Variants in CEP250 observed in about 807,000 individuals in gnomAD.
CEP250 encodes the protein centrosome-associated protein CEP250.
In CEP250, 242 loss-of-function variants were observed where a neutral mutation model predicts 315.7. The observed-to-expected ratio is 0.77, with a 90% CI of 0.69 to 0.85. CEP250 has a LOEUF of 0.85. Ranked by LOEUF, CEP250 falls within the 40% of genes least tolerant of loss-of-function variation. CEP250 has a pLI of 0.00. For missense variants in CEP250, 2,515 were observed against 2,886.4 expected (o/e 0.87, Z 2.95); for synonymous variants, 1,088 against 1,175.0 (o/e 0.93, Z 1.51).
chr20:35,470,645 C>T (rs753562091), intron 10 of CEP250, among the ~76,000 whole-genome samples: 6 of 152,004 alleles, frequency 3.9e-5, no homozygotes, highest in Admixed American at 1.3e-4. Context: ...CCCAGCTGCT[C>T]GGGAGGCTGA....
At position 35,503,333 on chromosome 20, in the gene CEP250, G is replaced by C; in HGVS notation, c.4964G>C (p.Arg1655Thr). 6.2e-7 allele frequency: 1 copy of C among 1,614,168 alleles called. No homozygotes were observed. The highest frequency in any genetic ancestry group is 8.5e-7 in the Non-Finnish European group (1 of 1,180,034). Reference protein sequence around the residue: ...QKEHLTQDLERRDQELMLQKE... With the variant: ...QKEHLTQDLETRDQELMLQKE... ...GAGCATCTGACTCAGGATCTCGAGAGGAGAGACCAGGAGCTGATGCTGCAG... is the reference window on the plus strand; with the variant it reads ...GAGCATCTGACTCAGGATCTCGAGACGAGAGACCAGGAGCTGATGCTGCAG... Residue 1655 changes from arginine to threonine, a missense_variant, in exon 30 of 35, where the codon AGG becomes ACG. Arg to Thr is a moderately conservative substitution (Grantham distance 71). Coordinates refer to ENST00000397527, the MANE Select transcript of CEP250 (RefSeq NM_007186.6). The surrounding 1 kb of genome is among the most constrained non-coding windows in gnomAD (Gnocchi z 4.2).
intron 5 of CEP250, among the ~76,000 whole-genome samples, chr20:35,465,350 G>A (rs1479257393): frequency 6.6e-6 from 1 of 151,660 alleles, no homozygotes; most frequent in African/African-American, 2.4e-5. Context: ...AACCTGGGAG[G>A]CGGTGGTTGC....
rs531437659 is a variant in CEP250 at position 35,504,763 on chromosome 20, T to A, written c.6394T>A (p.Ser2132Thr). ...LEALPHSHKT[S>T]PMEEQSLKLD... ...AGCCTTACCCCACAGCCACAAAACC[T>A]CCCCAATGGAGGAACAATCTCTAAA... The change falls in exon 30 of 35, where the codon TCC (serine) becomes ACC (threonine). Residue 2132 changes from serine (S) to threonine (T), a missense_variant. By Grantham distance (58) the Ser-to-Thr change is moderately conservative (BLOSUM62 1). Coordinates refer to ENST00000397527, the MANE Select transcript of CEP250 (RefSeq NM_007186.6). The A allele has an allele frequency of 1.2e-5, 19 of 1,613,934 alleles. No homozygotes were observed. In the South Asian group the frequency reaches 1.2e-4, roughly 10 times the overall value.
chr20:35,476,378 G>T, intron 15 of CEP250, 71 bp from the exon 16 acceptor site: 3 of 1,426,132 alleles, frequency 2.1e-6, no homozygotes, highest in East Asian at 2.3e-5. Context: ...CAGCAGTGTT[G>T]GGAATGTGAA....
At position 35,472,155 on chromosome 20, in the gene CEP250, C is replaced by G; in HGVS notation, c.1050+4C>G. 1 of 1,570,252 alleles carries G rather than the reference C, an allele frequency of 6.4e-7. No individual in the cohort carries two copies. The highest frequency in any genetic ancestry group is 1.1e-5 in the South Asian group (1 of 90,178). On this transcript the variant is annotated splice_donor_region_variant and intron_variant, in intron 11 of 34. Transcript: ENST00000397527. ...GGTGATCAAGGATATAACCCAGGTA[C>G]TGGGAAGCCTCCTGTTCATGGTAAC...
At chr20:35,487,242 C>T (rs914133119) in intron 20 of CEP250, among the ~76,000 whole-genome samples, 1 of 151,288 alleles carries the variant, frequency 6.6e-6, no homozygotes, top group Non-Finnish European at 1.5e-5. Flanking sequence ...CCGAGGTGGG[C>T]GGATTGCCCA....
At position 35,517,075 on chromosome 20, in the gene CEP250, G is replaced by C; in HGVS notation, c.*5449G>C. 3.1e-6 allele frequency: 3 copies of C among 968,212 alleles called. No homozygotes were observed. Among genetic ancestry groups the C allele is most frequent in the Non-Finnish European group, 2.5e-6 (2 of 814,180 alleles). 60.0% of individuals were successfully genotyped at this position (968,212 alleles called of 1,614,324 possible). On this transcript the variant is annotated 3_prime_UTR_variant, in exon 35 of 35. Transcript: ENST00000397527. ...CACAGACTCTACATTCCCCTCTCCT[G>C]TTGGCCTCCATCCCTTCCTCAACCG...
rs551052552 is a variant in CEP250 at position 35,467,792 on chromosome 20, T to G, written c.851+237T>G. On this transcript the variant is annotated intron_variant, in intron 9 of 34. Coordinates refer to ENST00000397527, the MANE Select transcript of CEP250 (RefSeq NM_007186.6). ...GTTGATTTATGGAGCTAGCTATGAC[T>G]CCATCCTCCATCAACACCAAAGTGC... Among the ~76,000 whole-genome samples, 28 of 152,126 alleles carry G rather than the reference T, an allele frequency of 1.8e-4. No homozygotes were observed. In the South Asian group the frequency reaches 5.2e-3, roughly 28 times the overall value.
Position 35,466,116 on chromosome 20 carries a change from G to A in CEP250, c.404G>A (p.Arg135Lys). 6.2e-7 allele frequency: 1 copy of A among 1,614,168 alleles called. No individual in the cohort carries two copies. The highest frequency in any genetic ancestry group is 8.5e-7 in the Non-Finnish European group (1 of 1,180,030). Residue 135 changes from arginine to lysine, a missense_variant, in exon 7 of 35, where the codon AGG becomes AAG. Physicochemically the swap from Arg to Lys is conservative, Grantham distance 26 (BLOSUM62 2). Coordinates refer to ENST00000397527, the MANE Select transcript of CEP250 (RefSeq NM_007186.6). ...GCTGACGTGGTGAATAAAGCCCTTAGGGAAGATGTGGAAAAACTGACAGTG... is the reference window on the plus strand; with the variant it reads ...GCTGACGTGGTGAATAAAGCCCTTAAGGAAGATGTGGAAAAACTGACAGTG... ...EKADVVNKAL[R>K]EDVEKLTVDW...
rs1379730610 is a variant in CEP250, at chr20:35,505,004, A to G, written c.6635A>G (p.Gln2212Arg). The G allele has an allele frequency of 6.3e-7, 1 of 1,598,920 alleles. No homozygotes were observed. Among genetic ancestry groups the G allele is most frequent in the Admixed American group, 1.7e-5 (1 of 58,854 alleles). ...CGGGACTCAGAACAGCAAAGGCTGC[A>G]GGTAAGTCACTCCATGGGGAGTAAG... ...LERDSEQQRL[Q>R]DELELTRRAL... The change falls in exon 30 of 35, where the codon CAG becomes CGG. Residue 2212 changes from glutamine (Q) to arginine (R), a missense_variant and splice_region_variant. Transcript: ENST00000397527.
rs1015512578 is a variant in CEP250 at position 35,494,739 on chromosome 20, C to T, written c.3167+82C>T. On this transcript the variant is annotated intron_variant, in intron 24 of 34. Transcript: ENST00000397527. ...TGATATTGACAGTTGTTTGCTCAGGCCACCTTGCCTTTCATGTCTGCAACT... is the reference window on the plus strand; with the variant it reads ...TGATATTGACAGTTGTTTGCTCAGGTCACCTTGCCTTTCATGTCTGCAACT... 24 of 1,517,740 alleles carry T rather than the reference C, an allele frequency of 1.6e-5. No homozygotes were observed. In the African/African-American group the frequency reaches 3.2e-4, roughly 20 times the overall value. 94.0% of individuals were successfully genotyped at this position (1,517,740 alleles called of 1,614,324 possible).
At chr20:35,495,108 T>C (rs535472677) in intron 24 of CEP250, among the ~76,000 whole-genome samples, 2 of 152,058 alleles carry the variant, frequency 1.3e-5, no homozygotes, top group African/African-American at 4.8e-5. Context: ...TGTAAAAGGG[T>C]GAGGGGGAGT....
At position 35,467,451 on chromosome 20, in the gene CEP250, A is replaced by T. The variant is rs771729918; in HGVS notation, c.747A>T (p.Leu249=). The T allele has an allele frequency of 6.2e-7, 1 of 1,614,068 alleles. No homozygotes were observed. Among genetic ancestry groups the T allele is most frequent in the East Asian group, 2.2e-5 (1 of 44,902 alleles). Residue 249 remains leucine, a synonymous_variant, in exon 9 of 35, where the codon CTA becomes CTT. Coordinates refer to ENST00000397527, the MANE Select transcript of CEP250 (RefSeq NM_007186.6). ...DGREPAQLLL[L]LAKTQELEKE... ...GGGAGCCGGCCCAGCTGCTGCTGCT[A>T]CTAGCCAAGACCCAGGAGCTGGAGA... is the stretch of plus-strand genomic sequence containing the variant.
At position 35,511,556 on chromosome 20, in the gene CEP250, AAAG is replaced by A; in HGVS notation, c.7260_7262del (p.Gln2420_Ser2421delinsHis). The A allele has an allele frequency of 6.2e-7, 1 of 1,613,992 alleles. No individual in the cohort carries two copies. The highest frequency in any genetic ancestry group is 8.5e-7 in the Non-Finnish European group (1 of 1,180,008). On this transcript the variant is annotated inframe_deletion, in exon 35 of 35. Transcript: ENST00000397527. The stretch of plus-strand genomic sequence containing the variant: ...CGCAGGCTGGATGAGTCCCTGACTC[AAAG>A]TCTGACATCCCCAGGGCCAGTCCTG...
chr20:35,488,652 AG>A (rs2063592361), intron 20 of CEP250, among the ~76,000 whole-genome samples: 1 of 151,962 alleles, frequency 6.6e-6, no homozygotes, highest in Admixed American at 6.6e-5. Context: ...TTTGTAGATA[AG>A]GGGTTTCACC....
intron 30 of CEP250, among the ~76,000 whole-genome samples, chr20:35,506,701 G>T (rs58280688): frequency 6.6e-6 from 1 of 152,048 alleles, no homozygotes; most frequent in Admixed American, 6.6e-5. Context: ...AAGTTCACAG[G>T]GTTTGAAATA....
chr20:35,491,920 G>A (rs1179723985), intron 22 of CEP250, among the ~76,000 whole-genome samples: 4 of 145,018 alleles, frequency 2.8e-5, no homozygotes, highest in Non-Finnish European at 4.5e-5. Flanking sequence ...AAAAAAAAAG[G>A]TGTGGCACAG....
intron 5 of CEP250, among the ~76,000 whole-genome samples, chr20:35,464,841 G>A (rs2146693433): frequency 6.6e-6 from 1 of 152,176 alleles, no homozygotes; most frequent in East Asian, 1.9e-4. Context: ...AGAATCACTT[G>A]AACCCAGGAG....
In CEP250 at chr20:35,463,390, G is replaced by A. The variant is rs902176668; in HGVS notation, c.187-185G>A. On this transcript the variant is annotated intron_variant, in intron 4 of 34. Transcript: ENST00000397527. ...TGCACTCCAGCCTGGGACACAGAGC[G>A]AGACTCCATCTCAAAAAAGAAAAAA... is the stretch of plus-strand genomic sequence containing the variant. Among the ~76,000 whole-genome samples the A allele has an allele frequency of 3.3e-5, 5 of 152,208 alleles. No homozygotes were observed. The East Asian group carries it at 5.8e-4, about 18-fold the overall frequency.
Sources: allele counts gnomAD v4.1 joint callset (sites outside exome capture counted in the v4.1 genomes callset), GRCh38; gene constraint gnomAD v4.1.1; non-coding constraint Gnocchi (gnomAD v3.1); transcripts MANE v1.5; gene names NCBI Gene and HGNC (gene_info 2026-07-23, HGNC 2026-07-21).